Variants in EBF1 observed in about 807,000 individuals in gnomAD.
EBF1 encodes transcription factor COE1.
In EBF1, 10 loss-of-function variants were observed where a neutral mutation model predicts 68.4. The observed-to-expected ratio is 0.15, with a 90% confidence interval of 0.09 to 0.25. The LOEUF is 0.25. EBF1 is among the 10% of genes least tolerant of loss of function. EBF1 has a pLI of 1.00. For synonymous variants in EBF1, 298 were observed against 299.8 expected (o/e 0.99, Z 0.06); for missense variants, 509 against 794.4 (o/e 0.64, Z 4.32).
chr5:158,877,805 T>C (rs1222758540), intron 6 of EBF1, among the ~76,000 whole-genome samples: 2 of 152,088 alleles, frequency 1.3e-5, no homozygotes, highest in Non-Finnish European at 2.9e-5. Context: ...ACAATTTCCA[T>C]GGCTTCCTTT....
intron 6 of EBF1, among the ~76,000 whole-genome samples, chr5:158,959,120 C>G (rs1205992409): frequency 1.3e-5 from 2 of 152,040 alleles, no homozygotes; most frequent in Admixed American, 6.6e-5. Context: ...AAATAACTTT[C>G]TTAAAGAACC....
intron 6 of EBF1, among the ~76,000 whole-genome samples, chr5:159,001,058 A>T (rs1327580058): frequency 3.9e-5 from 6 of 152,194 alleles, no homozygotes; most frequent in Non-Finnish European, 5.9e-5. Context: ...TACTTTAATC[A>T]AAATGACATC....
chr5:159,082,048 A>G lies in EBF1; in HGVS notation c.485+2618T>C, dbSNP rs374582593. ...GGCCAGTCCCTTATCCAGCCCAGGCAGTGGGGTCACCTTTCAGACAGAACA... is the reference window on the plus strand; with the variant it reads ...GGCCAGTCCCTTATCCAGCCCAGGCGGTGGGGTCACCTTTCAGACAGAACA... On this transcript the variant is annotated intron_variant, in intron 5 of 15. Coordinates refer to ENST00000313708, the MANE Select transcript of EBF1 (RefSeq NM_024007.5). Among the ~76,000 whole-genome samples the G allele has an allele frequency of 2.2e-4, 34 of 152,184 alleles. 2 individuals carry two copies. Among genetic ancestry groups the G allele is most frequent in the Admixed American group, 2.0e-3 (30 of 15,280 alleles).
At chr5:158,985,121 CATTT>C (rs1353489116) in intron 6 of EBF1, among the ~76,000 whole-genome samples, 2 of 152,070 alleles carry the variant, frequency 1.3e-5, no homozygotes, top group African/African-American at 2.4e-5. Context: ...GATGTAAATA[CATTT>C]GTTTTTTAAA....
chr5:159,008,448 A>G (rs1346573505), intron 6 of EBF1, among the ~76,000 whole-genome samples: 1 of 139,558 alleles, frequency 7.2e-6, no homozygotes, highest in Non-Finnish European at 1.6e-5. Flanking sequence ...ATACACCTCA[A>G]ATGCATTTAT....
At chr5:158,897,759 C>G (rs1802457002) in intron 6 of EBF1, among the ~76,000 whole-genome samples, 1 of 152,184 alleles carries the variant, frequency 6.6e-6, no homozygotes, top group African/African-American at 2.4e-5. Context: ...CAAGTTGTGC[C>G]ACTGCCCCCA....
intron 6 of EBF1, among the ~76,000 whole-genome samples, chr5:158,866,779 A>C (rs1795938188): frequency 6.8e-6 from 1 of 148,004 alleles, no homozygotes; most frequent in Non-Finnish European, 1.5e-5. Context: ...ATTTCTTTCC[A>C]AACTATAAAC....
At chr5:158,758,900 C>T (rs1770750912) in intron 10 of EBF1, among the ~76,000 whole-genome samples, 1 of 152,148 alleles carries the variant, frequency 6.6e-6, no homozygotes, top group South Asian at 2.1e-4. Flanking sequence ...TATGTTGTCA[C>T]TCCCATATTT....
At chr5:159,086,414 C>T (rs141554526) in intron 4 of EBF1, among the ~76,000 whole-genome samples, 2 of 152,232 alleles carry the variant, frequency 1.3e-5, no homozygotes, top group African/African-American at 4.8e-5. Flanking sequence ...TCCTTTACAG[C>T]AAAAGAAAAT....
chr5:159,018,228 C>A (rs1286245772), intron 6 of EBF1, among the ~76,000 whole-genome samples: 1 of 152,212 alleles, frequency 6.6e-6, no homozygotes, highest in Admixed American at 6.5e-5. Flanking sequence ...ATCAGCTACC[C>A]TATTTGTTCT....
intron 9 of EBF1, among the ~76,000 whole-genome samples, chr5:158,793,632 T>C (rs1779092877): frequency 6.6e-6 from 1 of 152,182 alleles, no homozygotes. Flanking sequence ...TGTGTAACCT[T>C]GGGCAAGCTT....
At chr5:158,862,314 G>A (rs1795094093) in intron 6 of EBF1, among the ~76,000 whole-genome samples, 1 of 152,084 alleles carries the variant, frequency 6.6e-6, no homozygotes, top group Non-Finnish European at 1.5e-5. Flanking sequence ...AAATGGTTTT[G>A]ATAAGTTGGG....
chr5:158,712,120 C>A (rs750460393), intron 14 of EBF1, 34 bp downstream of exon 14: 1 of 1,608,266 alleles, frequency 6.2e-7, no homozygotes, highest in South Asian at 1.1e-5. Flanking sequence ...TCTAGCGAAA[C>A]GTGCAGGAAC....
chr5:159,044,263 TG>T (rs1455532970), intron 6 of EBF1, among the ~76,000 whole-genome samples: 1 of 152,202 alleles, frequency 6.6e-6, no homozygotes, highest in Non-Finnish European at 1.5e-5. Flanking sequence ...CAGAGGATAT[TG>T]GGCCCAACCT....
chr5:158,905,244 T>C (rs1804324008), intron 6 of EBF1, among the ~76,000 whole-genome samples: 1 of 152,214 alleles, frequency 6.6e-6, no homozygotes, highest in Non-Finnish European at 1.5e-5. Flanking sequence ...CCAACCATCC[T>C]CAAAATGTAT....
chr5:158,737,490 TAGAC>T (rs1396068822), intron 10 of EBF1, among the ~76,000 whole-genome samples: 1 of 151,900 alleles, frequency 6.6e-6, no homozygotes, highest in Non-Finnish European at 1.5e-5. Flanking sequence ...TTCACCGTGT[TAGAC>T]AGGATGGTCT....
At chr5:158,796,234 C>A in intron 9 of EBF1, 111 bp downstream of exon 9, 1 of 1,178,056 alleles carries the variant, frequency 8.5e-7, no homozygotes, top group Non-Finnish European at 1.1e-6. Flanking sequence ...CTGAAGCTGG[C>A]CCACCCAGAG....
intron 8 of EBF1, among the ~76,000 whole-genome samples, chr5:158,807,986 G>A (rs1781914850): frequency 6.6e-6 from 1 of 152,074 alleles, no homozygotes. Context: ...CACAACCGAG[G>A]CTGCCATTGC....
intron 6 of EBF1, among the ~76,000 whole-genome samples, chr5:158,923,294 T>C (rs1319710311): frequency 6.6e-6 from 1 of 152,216 alleles, no homozygotes; most frequent in African/African-American, 2.4e-5. Flanking sequence ...ATCCCCAACC[T>C]TACTTTATCC....
Sources: gnomAD v4.1 joint callset for allele counts (sites outside exome capture counted in the v4.1 genomes callset) on GRCh38, gnomAD v4.1.1 for gene constraint, MANE v1.5 for transcripts, NCBI Gene and HGNC (gene_info 2026-07-23, HGNC 2026-07-21) for gene names.